Variants in MAP3K15 observed in about 807,000 individuals in gnomAD.
MAP3K15 encodes mitogen-activated protein kinase kinase kinase 15.
A neutral mutation model predicts 99.5 loss-of-function variants in MAP3K15; 124 were observed. The ratio of observed to expected loss-of-function variants is 1.25; its 90% confidence interval spans 1.08 to 1.45. MAP3K15 has a LOEUF of 1.45. Ranked by LOEUF, MAP3K15 falls within the 40% of genes most tolerant of loss-of-function variation. MAP3K15 has a pLI of 0.00. For synonymous variants in MAP3K15, 494 were observed against 439.6 expected, an observed-to-expected ratio of 1.12 and a Z score of -1.55; for missense variants, 1,242 against 1,079.7, an observed-to-expected ratio of 1.15 and a Z score of -2.11.
intron 10 of MAP3K15, among the ~76,000 whole-genome samples, chrX:19,414,647 C>T (rs963915376): frequency 1.8e-5 from 2 of 112,418 alleles, no homozygotes; most frequent in African/African-American, 6.5e-5. Context: ...CAGGAAACCA[C>T]GCTGAATTCC....
chrX:19,432,520 A>G (rs2063890625), intron 6 of MAP3K15, among the ~76,000 whole-genome samples: 1 of 103,583 alleles, frequency 9.7e-6, no homozygotes, highest in Non-Finnish European at 2.0e-5. Flanking sequence ...GTGCCACTGC[A>G]CTCCAGCCTG....
intron 25 of MAP3K15, among the ~76,000 whole-genome samples, chrX:19,365,143 A>G (rs1461249602): frequency 9.2e-6 from 1 of 108,492 alleles, no homozygotes; most frequent in Admixed American, 1.0e-4. Flanking sequence ...CAGGAGGCAG[A>G]GGTTGCAGTG....
Position 19,456,934 on chromosome X carries a change from T to C in MAP3K15, c.974A>G (p.His325Arg). ...DLADQHNIKF[H>R]YAFALNRRNS... ...TTACCTATTCAGTGCAAACGCATAG[T>C]GGAATTTAATGTTATGCTGATCGGC... is the stretch of plus-strand genomic sequence containing the variant. The change falls in exon 6 of 29, where the codon CAC (histidine) becomes CGC (arginine). Residue 325 changes from histidine (H) to arginine (R), a missense_variant. Transcript: ENST00000338883. 1 of 1,195,849 alleles carries C rather than the reference T, an allele frequency of 8.4e-7. No homozygotes were observed. Among genetic ancestry groups the C allele is most frequent in the Non-Finnish European group, 1.1e-6 (1 of 891,735 alleles).
At chrX:19,496,242 T>G (rs1049687111) in intron 1 of MAP3K15, 1 of 110,092 alleles carries the variant, frequency 9.1e-6, no homozygotes, top group Non-Finnish European at 1.9e-5. Context: ...AATTTTTGTA[T>G]TTTTAGTAGA....
intron 6 of MAP3K15, among the ~76,000 whole-genome samples, chrX:19,448,897 T>G (rs2147339352): frequency 9.1e-6 from 1 of 109,887 alleles, no homozygotes; most frequent in South Asian, 4.0e-4. Context: ...ATTATTTAAT[T>G]TTTAAAGCCT....
chrX:19,456,803 C>T (rs1375381817), intron 6 of MAP3K15, 110 bp downstream of exon 6: 9 of 503,077 alleles, frequency 1.8e-5, no homozygotes, highest in Non-Finnish European at 2.7e-5. Context: ...ATCTTCATAA[C>T]CTTGGCATTT....
rs891217825 is a variant in MAP3K15 at position 19,460,083 on chromosome X, C to T, written c.790G>A (p.Ala264Thr). Residue 264 changes from alanine (A) to threonine (T), a missense_variant, in exon 5 of 29, where the codon GCG becomes ACG. Ala to Thr is a moderately conservative substitution (Grantham distance 58). Transcript: ENST00000338883. Reference protein sequence around the residue: ...AREKYQGEELAKELARIKLRM... With the variant: ...AREKYQGEELTKELARIKLRM... ...AGCTTGATCCGAGCTAGCTCCTTCGCCAGTTCCTCACCTTGGTATTTCTCT... is the reference window on the plus strand; with the variant it reads ...AGCTTGATCCGAGCTAGCTCCTTCGTCAGTTCCTCACCTTGGTATTTCTCT... 4.8e-5 allele frequency: 57 copies of T among 1,194,988 alleles called. No individual in the cohort carries two copies. Among genetic ancestry groups the T allele is most frequent in the Non-Finnish European group, 6.4e-5 (57 of 892,777 alleles).
intron 3 of MAP3K15, among the ~76,000 whole-genome samples, chrX:19,473,611 A>C (rs920824907): frequency 8.9e-6 from 1 of 111,946 alleles, no homozygotes; most frequent in African/African-American, 3.2e-5. Context: ...ACACTCTCCA[A>C]ATATTTCCAA....
At position 19,360,623 on chromosome X, in the gene MAP3K15, A is replaced by T. The variant is rs2063271633; in HGVS notation, c.*126T>A. 1 of 511,310 alleles carries T rather than the reference A, an allele frequency of 2.0e-6. No homozygotes were observed. The highest frequency in any genetic ancestry group is 3.3e-6 in the Non-Finnish European group (1 of 304,107). 42.1% of individuals were successfully genotyped at this position (511,310 alleles called of 1,213,427 possible). A position where few individuals can be genotyped will look rare whatever the true frequency, so the allele number is the denominator to read the frequency against. On this transcript the variant is annotated 3_prime_UTR_variant, in exon 29 of 29. Transcript: ENST00000338883. ...GGACAGTATTTAAAACAAGTTCTTA[A>T]ACTATTAATTGAACAATGGCATTTT...
At chrX:19,471,472 G>A (rs2064207353) in intron 3 of MAP3K15, among the ~76,000 whole-genome samples, 1 of 111,255 alleles carries the variant, frequency 9.0e-6, no homozygotes, top group Non-Finnish European at 1.9e-5. Context: ...ATGTTGGTCA[G>A]GCTGGTCTTG....
chrX:19,369,132 G>A lies in MAP3K15; in HGVS notation c.3488C>T (p.Thr1163Ile). The change falls in exon 25 of 29, where the codon ACC becomes ATC. Residue 1163 changes from threonine to isoleucine, a missense_variant. Thr to Ile is a moderately conservative substitution (Grantham distance 89). Transcript: ENST00000338883. Reference protein sequence around the residue: ...DEAEEGYPPATGPGQEAQPHQ... With the variant: ...DEAEEGYPPAIGPGQEAQPHQ... Reference sequence around the variant, plus strand: ...GGGCTGGGCCTCCTGGCCAGGTCCGGTGGCTGGGGGATAGCCCTCTTCCGC... The same window carrying A: ...GGGCTGGGCCTCCTGGCCAGGTCCGATGGCTGGGGGATAGCCCTCTTCCGC... 8.3e-7 allele frequency: 1 copy of A among 1,211,014 alleles called. No homozygotes were observed. The highest frequency in any genetic ancestry group is 1.1e-6 in the Non-Finnish European group (1 of 895,336).
chrX:19,416,181 A>T (rs750258561), intron 9 of MAP3K15, among the ~76,000 whole-genome samples: 2 of 111,204 alleles, frequency 1.8e-5, no homozygotes, highest in African/African-American at 6.5e-5. Flanking sequence ...AAATACAAAA[A>T]TTAGCAGGAT....
chrX:19,503,742 T>G (rs2064456187), intron 1 of MAP3K15, among the ~76,000 whole-genome samples: 1 of 110,166 alleles, frequency 9.1e-6, no homozygotes, highest in South Asian at 3.9e-4. Context: ...ATATAAGAAG[T>G]CTTAAGGCAT....
chrX:19,435,264 C>T (rs2063913478), intron 6 of MAP3K15, among the ~76,000 whole-genome samples: 1 of 105,595 alleles, frequency 9.5e-6, no homozygotes, highest in Admixed American at 1.0e-4. Context: ...GAGACAGGGT[C>T]GCCCAGGCTG....
chrX:19,373,143 AAG>A (rs1725542446), intron 21 of MAP3K15: 2 of 184,878 alleles, frequency 1.1e-5, no homozygotes, highest in Middle Eastern at 1.6e-3. Context: ...GGGAAGGAGG[AAG>A]AGAGAGGAAG....
intron 6 of MAP3K15, among the ~76,000 whole-genome samples, chrX:19,435,475 G>C (rs1467322053): frequency 9.0e-6 from 1 of 111,128 alleles, no homozygotes; most frequent in East Asian, 2.8e-4. Context: ...AGGTTTGTTT[G>C]GATTTTAGTT....
intron 6 of MAP3K15, among the ~76,000 whole-genome samples, chrX:19,446,072 C>T (rs956838887): frequency 6.3e-5 from 7 of 111,926 alleles, no homozygotes; most frequent in African/African-American, 2.3e-4. Flanking sequence ...GGCATTTGGC[C>T]GTGAAATAAA....
rs748635462 is a variant in MAP3K15 at position 19,360,739 on chromosome X, C to CTGAT, written c.*6_*9dup. ...GGTGGGACACTCTGCCACAGCTTAGCTGATTGGTATCAAGCCTTGTCTTTG... is the reference window on the plus strand; with the variant it reads ...GGTGGGACACTCTGCCACAGCTTAGCTGATTGATTGGTATCAAGCCTTGTCTTTG... On this transcript the variant is annotated 3_prime_UTR_variant, in exon 29 of 29. Coordinates refer to ENST00000338883, the MANE Select transcript of MAP3K15 (RefSeq NM_001001671.4). 72 of 1,192,552 alleles carry CTGAT rather than the reference C, an allele frequency of 6.0e-5. 1 individual carries two copies. The highest frequency in any genetic ancestry group is 2.1e-4 in the African/African-American group (12 of 56,754).
At chrX:19,414,397 C>A (rs1158021867) in intron 10 of MAP3K15, 3 of 242,597 alleles carry the variant, frequency 1.2e-5, no homozygotes, top group African/African-American at 9.4e-5. Flanking sequence ...TCATTTCAAA[C>A]AATATTTTAT....
Sources: allele counts gnomAD v4.1 joint callset (sites outside exome capture counted in the v4.1 genomes callset), GRCh38; gene constraint gnomAD v4.1.1; transcripts MANE v1.5; gene names NCBI Gene and HGNC (gene_info 2026-07-23, HGNC 2026-07-21).